The following SEMA6D variants were observed in gnomAD, a reference collection of about 807,000 sequenced individuals.
The protein encoded by SEMA6D is semaphorin 6D.
In SEMA6D, 35 loss-of-function variants were observed where a neutral mutation model predicts 106.6. The observed-to-expected ratio is 0.33, with a 90% confidence interval of 0.25 to 0.44. The LOEUF is 0.44. Ranked by LOEUF, SEMA6D falls within the 20% of genes least tolerant of loss-of-function variation. SEMA6D has a pLI of 1.00. For synonymous variants in SEMA6D, 499 were observed against 487.7 expected (o/e 1.02, Z -0.31); for missense variants, 1,185 against 1,345.9 (o/e 0.88, Z 1.87).
At chr15:47,587,917 A>G (rs776434767) in intron 3 of SEMA6D, among the ~76,000 whole-genome samples, 1 of 152,010 alleles carries the variant, frequency 6.6e-6, no homozygotes. Context: ...GCTAAATGAG[A>G]GTTGAGATGG....
chr15:47,254,257 A>G (rs2033670735), intron 1 of SEMA6D, among the ~76,000 whole-genome samples: 1 of 149,602 alleles, frequency 6.7e-6, no homozygotes, highest in African/African-American at 2.4e-5. Context: ...TTGAGATTAT[A>G]TATATATATA....
intron 1 of SEMA6D, among the ~76,000 whole-genome samples, chr15:47,719,374 A>G (rs765604367): frequency 1.3e-5 from 2 of 152,204 alleles, no homozygotes; most frequent in Admixed American, 6.5e-5. Context: ...TATGTCTGCC[A>G]CTACAGCGGG....
At chr15:47,601,578 A>T (rs898462830) in intron 4 of SEMA6D, among the ~76,000 whole-genome samples, 6 of 152,204 alleles carry the variant, frequency 3.9e-5, no homozygotes, top group Non-Finnish European at 8.8e-5. Flanking sequence ...AAAACCTGTA[A>T]GCAGCTCTAT....
intron 6 of SEMA6D, 53 bp downstream of exon 6, chr15:47,761,484 TG>T: frequency 1.4e-6 from 2 of 1,427,374 alleles, no homozygotes; most frequent in Non-Finnish European, 1.9e-6. Context: ...CTCCCTTCAC[TG>T]ATATGCTGTT....
chr15:47,397,114 G>A (rs1193178596), intron 1 of SEMA6D, among the ~76,000 whole-genome samples: 2 of 152,174 alleles, frequency 1.3e-5, no homozygotes, highest in African/African-American at 4.8e-5. Context: ...CATAGTAGAG[G>A]TTGAAGGACT....
intron 4 of SEMA6D, among the ~76,000 whole-genome samples, chr15:47,630,770 T>A (rs2077279387): frequency 6.6e-6 from 1 of 151,886 alleles, no homozygotes. Context: ...GAAATTTTCC[T>A]CTATTCCTAT....
chr15:47,700,133 G>T (rs1274808260), intron 4 of SEMA6D, among the ~76,000 whole-genome samples: 1 of 151,720 alleles, frequency 6.6e-6, no homozygotes, highest in African/African-American at 2.4e-5. Context: ...AATCAAAAAG[G>T]AACTAAATAA....
intron 3 of SEMA6D, among the ~76,000 whole-genome samples, chr15:47,484,595 T>G (rs2043243878): frequency 6.6e-6 from 1 of 152,188 alleles, no homozygotes; most frequent in African/African-American, 2.4e-5. Context: ...TAAGATATTA[T>G]TACCAGTTAG....
intron 3 of SEMA6D, among the ~76,000 whole-genome samples, chr15:47,590,269 C>T (rs1168261172): frequency 6.6e-6 from 1 of 151,626 alleles, no homozygotes; most frequent in African/African-American, 2.4e-5. Flanking sequence ...TCTCAGAAAA[C>T]TATCACAAGG....
At chr15:47,607,568 A>AG (rs1159486502) in intron 4 of SEMA6D, among the ~76,000 whole-genome samples, 4 of 152,220 alleles carry the variant, frequency 2.6e-5, no homozygotes, top group African/African-American at 9.6e-5. Context: ...CAGTTTGAGA[A>AG]GGAGAGCATT....
intron 1 of SEMA6D, among the ~76,000 whole-genome samples, chr15:47,279,831 A>C (rs1342728501): frequency 6.6e-6 from 1 of 150,532 alleles, no homozygotes; most frequent in Non-Finnish European, 1.5e-5. Context: ...GATTACATTT[A>C]TTGATTTGCA....
chr15:47,412,537 G>T (rs2040831995), intron 2 of SEMA6D: 1 of 152,460 alleles, frequency 6.6e-6, no homozygotes, highest in Non-Finnish European at 1.5e-5. Flanking sequence ...TTTTCCATTA[G>T]ATGTGAAACT....
intron 1 of SEMA6D, among the ~76,000 whole-genome samples, chr15:47,332,143 C>A (rs1314403943): frequency 3.9e-5 from 6 of 152,202 alleles, no homozygotes; most frequent in African/African-American, 1.4e-4. Context: ...ATGCACCTAA[C>A]AAGACATCTT....
chr15:47,262,114 T>C (rs1352021103), intron 1 of SEMA6D, among the ~76,000 whole-genome samples: 1 of 152,050 alleles, frequency 6.6e-6, no homozygotes, highest in Non-Finnish European at 1.5e-5. Context: ...TATCTAGGAA[T>C]ACAGCTAACT....
At chr15:47,244,298 G>A (rs1379549940) in intron 1 of SEMA6D, among the ~76,000 whole-genome samples, 1 of 152,088 alleles carries the variant, frequency 6.6e-6, no homozygotes, top group East Asian at 1.9e-4. Flanking sequence ...TTGTGACTTA[G>A]GCCAAATTGG....
intron 4 of SEMA6D, among the ~76,000 whole-genome samples, chr15:47,605,890 T>G (rs1483584424): frequency 9.9e-5 from 15 of 152,102 alleles, no homozygotes; most frequent in Admixed American, 9.8e-4. Flanking sequence ...GAGGTTTTAT[T>G]AAGTAAGCAC....
intron 4 of SEMA6D, among the ~76,000 whole-genome samples, chr15:47,707,199 G>A (rs2078928752): frequency 6.6e-6 from 1 of 152,100 alleles, no homozygotes; most frequent in African/African-American, 2.4e-5. Flanking sequence ...AAATTGAGAG[G>A]AGCTACTGAA....
At chr15:47,760,915 A>G in intron 3 of SEMA6D, 63 bp from the exon 4 acceptor site, 3 of 1,426,106 alleles carry the variant, frequency 2.1e-6, no homozygotes, top group Non-Finnish European at 2.9e-6. Context: ...AAAAATAAAA[A>G]AGGAAGCAGC....
chr15:47,733,201 C>G (rs1258449191), intron 1 of SEMA6D, among the ~76,000 whole-genome samples: 1 of 152,050 alleles, frequency 6.6e-6, no homozygotes, highest in African/African-American at 2.4e-5. Flanking sequence ...TTTAATCTTT[C>G]TTATCACTTA....
Sources: allele counts gnomAD v4.1 joint callset (sites outside exome capture counted in the v4.1 genomes callset), GRCh38; gene constraint gnomAD v4.1.1; transcripts MANE v1.5; gene names NCBI Gene and HGNC (gene_info 2026-07-23, HGNC 2026-07-21).